RSF1: variants seen among roughly 807,000 people sequenced by gnomAD.
The protein encoded by RSF1 is remodeling and spacing factor 1.
Under a neutral mutation model 145.2 loss-of-function variants are expected in RSF1, and 13 were observed. The observed-to-expected ratio is 0.09, with a 90% CI of 0.06 to 0.14. RSF1 has a LOEUF of 0.14. RSF1 is among the 10% of genes least tolerant of loss of function. The pLI is 1.00. For synonymous variants in RSF1, 577 were observed against 592.6 expected, an observed-to-expected ratio of 0.97 and a Z score of 0.38; for missense variants, 1,517 against 1,718.2, an observed-to-expected ratio of 0.88 and a Z score of 2.07.
chr11:77,697,231 T>C (rs892756050), intron 7 of RSF1, among the ~76,000 whole-genome samples: 4 of 151,888 alleles, frequency 2.6e-5, no homozygotes, highest in African/African-American at 9.7e-5. Flanking sequence ...AACCACTTCT[T>C]AGGAATTTTC....
intron 2 of RSF1, among the ~76,000 whole-genome samples, chr11:77,751,674 G>A (rs1223854582): frequency 1.3e-5 from 2 of 152,088 alleles, no homozygotes; most frequent in Non-Finnish European, 2.9e-5. Flanking sequence ...GGTCAACAAC[G>A]CTCTTAGCTT....
intron 1 of RSF1, among the ~76,000 whole-genome samples, chr11:77,766,247 C>T (rs1289838104): frequency 6.6e-6 from 1 of 152,128 alleles, no homozygotes; most frequent in Non-Finnish European, 1.5e-5. Context: ...CTGCAGCGTT[C>T]TCTAACATAT....
At chr11:77,737,217 G>C (rs1961375628) in intron 4 of RSF1, among the ~76,000 whole-genome samples, 1 of 152,186 alleles carries the variant, frequency 6.6e-6, no homozygotes, top group African/African-American at 2.4e-5. Context: ...GGAGGCCACA[G>C]CAAGTGAATA....
chr11:77,687,106 A>G (rs894160346), intron 9 of RSF1, among the ~76,000 whole-genome samples: 1 of 152,220 alleles, frequency 6.6e-6, no homozygotes, highest in African/African-American at 2.4e-5. Flanking sequence ...TTTACAGCTA[A>G]TATTTATTTT....
the RSF1 span, among the ~76,000 whole-genome samples, chr11:77,835,266 T>C: frequency 1.3e-5 from 2 of 152,322 alleles, no homozygotes; most frequent in East Asian, 3.9e-4. Context: ...CTCTTTATTC[T>C]GTTGCTTGGA....
chr11:77,866,270 C>T, the RSF1 span: 1 of 152,018 alleles, frequency 6.6e-6, no homozygotes, highest in African/African-American at 2.4e-5. Context: ...TAATAGCTTC[C>T]CCCGCAGAAA....
chr11:77,752,643 T>C (rs376589665), intron 2 of RSF1, among the ~76,000 whole-genome samples: 1 of 152,160 alleles, frequency 6.6e-6, no homozygotes, highest in Non-Finnish European at 1.5e-5. Flanking sequence ...GAGTCCTTGA[T>C]GTCCCTGGCT....
chr11:77,696,784 T>C (rs1960287748), intron 7 of RSF1, among the ~76,000 whole-genome samples: 1 of 152,208 alleles, frequency 6.6e-6, no homozygotes, highest in Admixed American at 6.5e-5. Context: ...ATAGCCTTGA[T>C]GATCATAAAA....
chr11:77,800,926 GC>G (rs781363926), intron 1 of RSF1, among the ~76,000 whole-genome samples: 4 of 152,040 alleles, frequency 2.6e-5, no homozygotes, highest in Non-Finnish European at 4.4e-5. Context: ...GACTGCTTAA[GC>G]CCACTAGGTC....
At chr11:77,790,088 A>T (rs1384610656) in intron 1 of RSF1, among the ~76,000 whole-genome samples, 1 of 152,172 alleles carries the variant, frequency 6.6e-6, no homozygotes, top group Non-Finnish European at 1.5e-5. Flanking sequence ...GTCCATTTTC[A>T]TGTTGATTTA....
chr11:77,771,514 C>G (rs1178818677), intron 1 of RSF1, among the ~76,000 whole-genome samples: 2 of 152,106 alleles, frequency 1.3e-5, no homozygotes, highest in East Asian at 1.9e-4. Flanking sequence ...AGTCTTAGAG[C>G]TATGTAAAGA....
intron 1 of RSF1, among the ~76,000 whole-genome samples, chr11:77,789,596 C>T (rs115498965): frequency 0.013 from 1,935 of 152,284 alleles, 45 homozygotes; most frequent in African/African-American, 0.042. Flanking sequence ...CGTGTGTTCC[C>T]CACCCACCAG....
At chr11:77,711,716 A>G (rs1423679137) in intron 5 of RSF1, among the ~76,000 whole-genome samples, 1 of 152,116 alleles carries the variant, frequency 6.6e-6, no homozygotes, top group East Asian at 1.9e-4. Context: ...CTCTCACCCT[A>G]CTTTCCCTAA....
At chr11:77,849,613 C>A in the RSF1 span, among the ~76,000 whole-genome samples, 341 of 152,272 alleles carry the variant, frequency 2.2e-3, no homozygotes, top group African/African-American at 7.4e-3. Context: ...TTTGCCTTGG[C>A]CTCCCAAAGT....
chr11:77,690,945 T>C lies in RSF1; in HGVS notation c.2900+214A>G, dbSNP rs2135838462. The C allele has an allele frequency of 5.6e-6, 3 of 538,586 alleles. No individual in the cohort carries two copies. In the South Asian group the frequency reaches 8.3e-5, roughly 15 times the overall value. 33.4% of individuals were successfully genotyped at this position (538,586 alleles called of 1,614,324 possible). A position where few individuals can be genotyped will look rare whatever the true frequency, so the allele number is the denominator to read the frequency against. ...TTGAGTATCATATAATTTTCATGTGTCATGAAATATGATTCTAGTTTTTCC... is the reference window on the plus strand; with the variant it reads ...TTGAGTATCATATAATTTTCATGTGCCATGAAATATGATTCTAGTTTTTCC... On this transcript the variant is annotated intron_variant, in intron 9 of 15. Transcript: ENST00000308488.
intron 5 of RSF1, among the ~76,000 whole-genome samples, chr11:77,707,727 G>A (rs899753689): frequency 1.3e-5 from 2 of 152,172 alleles, no homozygotes; most frequent in African/African-American, 4.8e-5. Context: ...CATAAATTAG[G>A]TAAAACCATT....
chr11:77,702,512 G>C lies in RSF1; in HGVS notation c.734-17C>G. 3 of 1,477,022 alleles carry C rather than the reference G, an allele frequency of 2.0e-6. No individual in the cohort carries two copies. The highest frequency in any genetic ancestry group is 2.9e-5 in the South Asian group (2 of 70,068). 91.5% of individuals were successfully genotyped at this position (1,477,022 alleles called of 1,614,324 possible). A position where few individuals can be genotyped will look rare whatever the true frequency, so the allele number is the denominator to read the frequency against. The stretch of plus-strand genomic sequence containing the variant: ...TCTGTTCCTCTAAAAATCAGAAAAA[G>C]CTTAATTACATGAATAGAAACTTTC... On this transcript the variant is annotated splice_polypyrimidine_tract_variant and intron_variant, in intron 5 of 15. Transcript: ENST00000308488.
intron 4 of RSF1, among the ~76,000 whole-genome samples, chr11:77,731,537 G>A (rs1961206760): frequency 6.6e-6 from 1 of 152,216 alleles, no homozygotes; most frequent in South Asian, 2.1e-4. Context: ...AATGTCTCCA[G>A]GCATGTCAGA....
chr11:77,730,647 A>G (rs1346405722), intron 4 of RSF1, among the ~76,000 whole-genome samples: 8 of 152,182 alleles, frequency 5.3e-5, no homozygotes. Flanking sequence ...AACTCCCACA[A>G]TTCCCACGTG....
Sources: allele counts gnomAD v4.1 joint callset (sites outside exome capture counted in the v4.1 genomes callset), GRCh38; gene constraint gnomAD v4.1.1; transcripts MANE v1.5; gene names NCBI Gene and HGNC (gene_info 2026-07-23, HGNC 2026-07-21).